KCNMB2: variants seen among roughly 807,000 people sequenced by gnomAD.
The protein encoded by KCNMB2 is potassium calcium-activated channel subfamily M regulatory beta subunit 2.
KCNMB2 carries 9 observed loss-of-function variants against 24.5 expected under a neutral mutation model. The observed-to-expected ratio is 0.37, with a 90% confidence interval of 0.22 to 0.64. The LOEUF is 0.64. Ranked by LOEUF, KCNMB2 falls within the 30% of genes least tolerant of loss-of-function variation. KCNMB2 has a pLI of 0.63. For missense variants in KCNMB2, 226 were observed against 284.3 expected (o/e 0.79, Z 1.47); for synonymous variants, 109 against 104.4 (o/e 1.04, Z -0.27).
At chr3:178,785,814 T>C (rs1248093060) in intron 1 of KCNMB2, among the ~76,000 whole-genome samples, 1 of 152,180 alleles carries the variant, frequency 6.6e-6, no homozygotes, top group Non-Finnish European at 1.5e-5. Flanking sequence ...TAAAAAAGCA[T>C]ATTCATTTGT....
At chr3:178,772,374 T>C (rs1712406119) in intron 1 of KCNMB2, among the ~76,000 whole-genome samples, 1 of 152,204 alleles carries the variant, frequency 6.6e-6, no homozygotes. Context: ...GGGAGGAGGC[T>C]GGAAGGATGC....
chr3:178,636,825 T>G (rs184680378), intron 1 of KCNMB2, among the ~76,000 whole-genome samples: 56 of 85,068 alleles, frequency 6.6e-4, no homozygotes, highest in African/African-American at 3.5e-3. Context: ...GGTGGTTTGC[T>G]GCACAGATCA....
At chr3:178,640,009 G>T (rs1409218264) in intron 1 of KCNMB2, among the ~76,000 whole-genome samples, 1 of 152,126 alleles carries the variant, frequency 6.6e-6, no homozygotes, top group Non-Finnish European at 1.5e-5. Flanking sequence ...CTAGTACAAT[G>T]TCTGACACAG....
intron 1 of KCNMB2, among the ~76,000 whole-genome samples, chr3:178,780,816 T>A (rs1712800214): frequency 6.6e-6 from 1 of 152,230 alleles, no homozygotes; most frequent in South Asian, 2.1e-4. Flanking sequence ...GTAATACATG[T>A]AAAACATAAG....
chr3:178,649,053 G>T (rs997317715), intron 1 of KCNMB2, among the ~76,000 whole-genome samples: 1 of 151,956 alleles, frequency 6.6e-6, no homozygotes, highest in Non-Finnish European at 1.5e-5. Flanking sequence ...TTTTTCCTAG[G>T]TTTCCTGCCA....
At chr3:178,553,622 C>T (rs1187138532) in intron 1 of KCNMB2, among the ~76,000 whole-genome samples, 8 of 151,270 alleles carry the variant, frequency 5.3e-5, no homozygotes, top group Non-Finnish European at 8.8e-5. Context: ...ACCTTCATTT[C>T]GTCTCCTGGT....
intron 1 of KCNMB2, among the ~76,000 whole-genome samples, chr3:178,696,274 T>C (rs1721871607): frequency 6.6e-6 from 1 of 152,162 alleles, no homozygotes; most frequent in Admixed American, 6.5e-5. Context: ...GTGGGGATCA[T>C]GGGAACTACA....
intron 1 of KCNMB2, among the ~76,000 whole-genome samples, chr3:178,729,562 C>A (rs1723075484): frequency 1.3e-5 from 2 of 152,132 alleles, no homozygotes; most frequent in Non-Finnish European, 2.9e-5. Context: ...GTGAGATTTT[C>A]AATTAGTCTG....
intron 1 of KCNMB2, among the ~76,000 whole-genome samples, chr3:178,575,812 T>A (rs566789290): frequency 5.9e-5 from 9 of 152,178 alleles, no homozygotes; most frequent in Admixed American, 1.3e-4. Context: ...AGGGAAAAAA[T>A]TTTTATGTCC....
intron 1 of KCNMB2, among the ~76,000 whole-genome samples, chr3:178,560,247 G>A (rs990387335): frequency 1.3e-5 from 2 of 152,000 alleles, no homozygotes; most frequent in Non-Finnish European, 2.9e-5. Flanking sequence ...CCTCTGAGGG[G>A]CTAATTTATT....
chr3:178,713,801 G>T (rs1178620058), intron 1 of KCNMB2, among the ~76,000 whole-genome samples: 1 of 152,154 alleles, frequency 6.6e-6, no homozygotes, highest in Non-Finnish European at 1.5e-5. Context: ...GAGGCCCTTG[G>T]AGGTGCTCTG....
chr3:178,661,194 G>C (rs755087747), intron 1 of KCNMB2, among the ~76,000 whole-genome samples: 1 of 149,716 alleles, frequency 6.7e-6, no homozygotes, highest in Non-Finnish European at 1.5e-5. Context: ...GTGTCCATGT[G>C]TTCTCATTGT....
chr3:178,588,591 T>A (rs954189700), intron 1 of KCNMB2, among the ~76,000 whole-genome samples: 1 of 152,062 alleles, frequency 6.6e-6, no homozygotes, highest in African/African-American at 2.4e-5. Flanking sequence ...TATATGTGTG[T>A]GGGTATATAT....
chr3:178,577,948 C>T (rs1285603465), intron 1 of KCNMB2, among the ~76,000 whole-genome samples: 9 of 152,190 alleles, frequency 5.9e-5, no homozygotes, highest in Admixed American at 5.9e-4. Flanking sequence ...AGTTGGAAAA[C>T]ATTCTTCAGG....
At chr3:178,607,630 T>C (rs1398821177) in intron 1 of KCNMB2, among the ~76,000 whole-genome samples, 1 of 132,074 alleles carries the variant, frequency 7.6e-6, no homozygotes, top group Non-Finnish European at 1.5e-5. Context: ...TGTGCATGCG[T>C]GTGTGTGTGT....
At chr3:178,580,309 A>G (rs59072457) in intron 1 of KCNMB2, among the ~76,000 whole-genome samples, 5,798 of 152,276 alleles carry the variant, frequency 0.038, 358 homozygotes, top group African/African-American at 0.13. Flanking sequence ...AAGGCCTTCA[A>G]TAAAATTCAA....
intron 1 of KCNMB2, among the ~76,000 whole-genome samples, chr3:178,780,427 A>C (rs1712782763): frequency 6.6e-6 from 1 of 152,216 alleles, no homozygotes; most frequent in African/African-American, 2.4e-5. Context: ...CAGGGATGCA[A>C]GGAGGGATTG....
chr3:178,818,525 T>C (rs1192106699), intron 2 of KCNMB2, among the ~76,000 whole-genome samples: 2 of 152,182 alleles, frequency 1.3e-5, no homozygotes, highest in Non-Finnish European at 2.9e-5. Context: ...ACATGCGGTG[T>C]TTGGTTTTCT....
At chr3:178,539,934 G>A (rs1029658203) in intron 1 of KCNMB2, among the ~76,000 whole-genome samples, 1 of 151,996 alleles carries the variant, frequency 6.6e-6, no homozygotes, top group African/African-American at 2.4e-5. Flanking sequence ...CAAGTGTCAA[G>A]CCCTCAGAAA....
Sources: allele counts gnomAD v4.1 joint callset (sites outside exome capture counted in the v4.1 genomes callset), GRCh38; gene constraint gnomAD v4.1.1; transcripts MANE v1.5; gene names NCBI Gene and HGNC (gene_info 2026-07-23, HGNC 2026-07-21).